DMGDH: variants seen among roughly 807,000 people sequenced by gnomAD.
DMGDH encodes the protein dimethylglycine dehydrogenase.
In DMGDH, 76 loss-of-function variants were observed where a neutral mutation model predicts 95.2. The observed-to-expected ratio is 0.80, with a 90% confidence interval of 0.66 to 0.97. The LOEUF (loss-of-function observed/expected upper bound fraction) is 0.97. Among genes scored for constraint, DMGDH ranks in the 50% least tolerant of loss-of-function variants. DMGDH has a pLI of 0.00. For synonymous variants in DMGDH, 345 were observed against 377.6 expected (o/e 0.91, Z 1.00); for missense variants, 987 against 1,055.0 (o/e 0.94, Z 0.89).
At chr5:79,018,563 C>CG (rs1561210185) in intron 14 of DMGDH, among the ~76,000 whole-genome samples, 1 of 151,886 alleles carries the variant, frequency 6.6e-6, no homozygotes, top group African/African-American at 2.4e-5. Context: ...ATGGACACCC[C>CG]GGGGATGAGG....
chr5:79,025,004 G>T (rs1172132880), intron 13 of DMGDH, among the ~76,000 whole-genome samples: 2 of 152,216 alleles, frequency 1.3e-5, no homozygotes, highest in Non-Finnish European at 2.9e-5. Flanking sequence ...TAAACTAAAT[G>T]AAAGTACGCT....
At position 78,998,289 on chromosome 5, in the gene DMGDH, G is replaced by A. The variant is rs769057671; in HGVS notation, c.2394C>T (p.Gly798=). 1.2e-6 allele frequency: 2 copies of A among 1,613,012 alleles called. No individual in the cohort carries two copies. The highest frequency in any genetic ancestry group is 2.2e-5 in the South Asian group (2 of 90,906). The part of the protein sequence containing the change: ...ESIWYNGKVV[G]NTTSGSYSYS... ...AGCTATAGCTTCCAGATGTCGTGTTGCCAACCACCTGGAAAACAAGACCCA... is the reference window on the plus strand; with the variant it reads ...AGCTATAGCTTCCAGATGTCGTGTTACCAACCACCTGGAAAACAAGACCCA... Residue 798 remains glycine (G), a synonymous_variant, in exon 16 of 16, where the codon GGC becomes GGT. Transcript: ENST00000255189.
intron 5 of DMGDH, among the ~76,000 whole-genome samples, chr5:79,045,061 A>G (rs1291098781): frequency 1.3e-5 from 2 of 152,222 alleles, no homozygotes; most frequent in African/African-American, 4.8e-5. Flanking sequence ...CAAATTGTTG[A>G]TGCCTAAAAT....
At chr5:79,046,332 C>A (rs894705304) in intron 5 of DMGDH, among the ~76,000 whole-genome samples, 5 of 151,992 alleles carry the variant, frequency 3.3e-5, no homozygotes, top group African/African-American at 1.2e-4. Context: ...TAATCCGCTG[C>A]CTGGGGCTCC....
intron 5 of DMGDH, among the ~76,000 whole-genome samples, chr5:79,045,267 G>T (rs949244661): frequency 6.6e-6 from 1 of 152,222 alleles, no homozygotes; most frequent in African/African-American, 2.4e-5. Context: ...GGGGAGATTG[G>T]TCTCATAAGT....
In DMGDH at chr5:79,042,283, C is replaced by T; in HGVS notation, c.1193G>A (p.Gly398Glu). The stretch of plus-strand genomic sequence containing the variant: ...TGTTGAATTACATGAAGATACTTAC[C>T]CAAAGCCTATAGCCACCCAGTAGTT... ...VRNYWVAIGF[G>E]YGIIHAGGVG... Residue 398 changes from glycine (G) to glutamate (E), a missense_variant and splice_region_variant, in exon 7 of 16, where the codon GGA (glycine) becomes GAA (glutamate). Coordinates refer to ENST00000255189, the MANE Select transcript of DMGDH (RefSeq NM_013391.3). 1.2e-6 allele frequency: 2 copies of T among 1,613,700 alleles called. No individual in the cohort carries two copies. Among genetic ancestry groups the T allele is most frequent in the Non-Finnish European group, 1.7e-6 (2 of 1,179,690 alleles).
intron 9 of DMGDH, among the ~76,000 whole-genome samples, chr5:79,032,315 T>C (rs1245135155): frequency 6.6e-6 from 1 of 152,218 alleles, no homozygotes; most frequent in Admixed American, 6.5e-5. Flanking sequence ...AAACTCCAGG[T>C]ACATTTTGTG....
Position 79,069,503 on chromosome 5 carries a change from G to C in DMGDH, c.101+17C>G. On this transcript the variant is annotated intron_variant, in intron 1 of 15. Transcript: ENST00000255189. ...CAGCCGCCCCGTCGCCTCTGAGCAG[G>C]ACGGGGCCCCACTCACCCTTCCCGG... 1 of 1,265,816 alleles carries C rather than the reference G, an allele frequency of 7.9e-7. No homozygotes were observed. Among genetic ancestry groups the C allele is most frequent in the Admixed American group, 4.2e-5 (1 of 24,092 alleles). The allele number at this position is 1,265,816 out of a possible 1,614,324, so 78.4% of individuals were successfully genotyped here.
At chr5:79,031,065 A>T in intron 9 of DMGDH, 67 bp from the exon 10 acceptor site, 4 of 1,561,520 alleles carry the variant, frequency 2.6e-6, no homozygotes, top group Non-Finnish European at 3.5e-6. Context: ...AGAATACGAT[A>T]TTTTAATAAG....
intron 14 of DMGDH, among the ~76,000 whole-genome samples, chr5:79,023,619 A>G (rs765346135): frequency 7.2e-5 from 11 of 152,200 alleles, no homozygotes; most frequent in African/African-American, 9.7e-5. Context: ...CAAGCTCCCA[A>G]TGAGGCTGAT....
At chr5:79,052,319 T>G (rs776787230) in intron 4 of DMGDH, among the ~76,000 whole-genome samples, 1 of 152,202 alleles carries the variant, frequency 6.6e-6, no homozygotes, top group Non-Finnish European at 1.5e-5. Flanking sequence ...ACTGGCCTCA[T>G]AGAATGAGTT....
chr5:79,032,393 A>G (rs1462442286), intron 9 of DMGDH, among the ~76,000 whole-genome samples: 2 of 152,226 alleles, frequency 1.3e-5, no homozygotes, highest in African/African-American at 4.8e-5. Flanking sequence ...AACTGAAGCC[A>G]GGTGGGAATT....
At chr5:79,049,724 A>C (rs1375970013) in intron 5 of DMGDH, among the ~76,000 whole-genome samples, 1 of 152,206 alleles carries the variant, frequency 6.6e-6, no homozygotes, top group Non-Finnish European at 1.5e-5. Flanking sequence ...TCAGATGGAG[A>C]CTGGAGGGAA....
chr5:79,065,855 T>A (rs1192242795), intron 1 of DMGDH, among the ~76,000 whole-genome samples: 3 of 152,188 alleles, frequency 2.0e-5, no homozygotes, highest in African/African-American at 7.2e-5. Context: ...TCAGCTCCAT[T>A]ATAATCTTAC....
intron 14 of DMGDH, among the ~76,000 whole-genome samples, chr5:79,018,352 C>T (rs1056003936): frequency 5.9e-5 from 9 of 152,262 alleles, no homozygotes; most frequent in Admixed American, 1.3e-4. Context: ...TATTAATAAA[C>T]ATAACAACAC....
chr5:79,057,786 T>C (rs371445310), intron 2 of DMGDH, among the ~76,000 whole-genome samples: 5 of 152,208 alleles, frequency 3.3e-5, no homozygotes, highest in Admixed American at 2.0e-4. Flanking sequence ...ATATATGTCC[T>C]ATATAAAACT....
chr5:79,034,790 T>G (rs111342688), intron 7 of DMGDH, among the ~76,000 whole-genome samples: 14,746 of 152,054 alleles, frequency 0.097, 1,285 homozygotes, highest in African/African-American at 0.23. Context: ...GGGCGCGATG[T>G]CTCACGCCTG....
intron 2 of DMGDH, among the ~76,000 whole-genome samples, chr5:79,058,522 A>G (rs1327570868): frequency 6.6e-6 from 1 of 152,210 alleles, no homozygotes; most frequent in Non-Finnish European, 1.5e-5. Flanking sequence ...AATTAAATCA[A>G]GGGTAAATGA....
chr5:79,003,080 C>T (rs1561205169), intron 15 of DMGDH, among the ~76,000 whole-genome samples: 1 of 152,136 alleles, frequency 6.6e-6, no homozygotes, highest in Non-Finnish European at 1.5e-5. Flanking sequence ...TTGTGGATGA[C>T]GTGGGAATAC....
Sources: gnomAD v4.1 joint callset for allele counts (sites outside exome capture counted in the v4.1 genomes callset) on GRCh38, gnomAD v4.1.1 for gene constraint, MANE v1.5 for transcripts, NCBI Gene and HGNC (gene_info 2026-07-23, HGNC 2026-07-21) for gene names.